The following SRGAP1 variants were observed in gnomAD, a reference collection of about 807,000 sequenced individuals.
The protein encoded by SRGAP1 is SLIT-ROBO Rho GTPase-activating protein 1.
Under a neutral mutation model 121.9 loss-of-function variants are expected in SRGAP1, and 43 were observed. That is an observed-to-expected ratio of 0.35 (90% confidence interval 0.28 to 0.46). SRGAP1 has a LOEUF of 0.46. Ranked by LOEUF, SRGAP1 falls within the 20% of genes least tolerant of loss-of-function variation. The pLI is 1.00. For synonymous variants in SRGAP1, 447 were observed against 485.4 expected (o/e 0.92, Z 1.04); for missense variants, 1,102 against 1,350.9 (o/e 0.82, Z 2.89).
At chr12:63,856,473 G>GT (rs1408006826) in intron 1 of SRGAP1, among the ~76,000 whole-genome samples, 1 of 152,030 alleles carries the variant, frequency 6.6e-6, no homozygotes. Flanking sequence ...TTCATCTGAA[G>GT]TTTTTTATTT....
At chr12:64,020,470 A>G (rs928242222) in intron 4 of SRGAP1, among the ~76,000 whole-genome samples, 2 of 152,148 alleles carry the variant, frequency 1.3e-5, no homozygotes, top group African/African-American at 4.8e-5. Context: ...GGGAAAAAAA[A>G]AGAAAAAGGC....
intron 8 of SRGAP1, among the ~76,000 whole-genome samples, chr12:64,077,305 A>G (rs553775438): frequency 7.2e-4 from 110 of 152,188 alleles, no homozygotes; most frequent in African/African-American, 2.5e-3. Flanking sequence ...TGAAGGTGAA[A>G]TAAAAGACGT....
chr12:63,883,883 C>T (rs922504938), intron 1 of SRGAP1, among the ~76,000 whole-genome samples: 7 of 150,980 alleles, frequency 4.6e-5, no homozygotes, highest in African/African-American at 1.2e-4. Context: ...TGGTCTGCAT[C>T]TCCTGACGTC....
intron 4 of SRGAP1, among the ~76,000 whole-genome samples, chr12:64,026,898 C>T (rs2034666148): frequency 6.6e-6 from 1 of 151,854 alleles, no homozygotes; most frequent in Non-Finnish European, 1.5e-5. Context: ...AAATTAATCT[C>T]CTTATTTTGG....
chr12:63,991,974 AG>A (rs913102172), intron 3 of SRGAP1, among the ~76,000 whole-genome samples: 72 of 152,194 alleles, frequency 4.7e-4, no homozygotes, highest in Admixed American at 1.3e-4. Flanking sequence ...AACTCTACCT[AG>A]GGGATGAGGA....
chr12:63,905,828 G>A (rs142443445), intron 1 of SRGAP1, among the ~76,000 whole-genome samples: 70 of 152,252 alleles, frequency 4.6e-4, no homozygotes, highest in African/African-American at 1.6e-3. Context: ...ATGGAGATGC[G>A]CCTGAGTCAT....
chr12:63,911,849 G>A (rs1235258049), intron 1 of SRGAP1, among the ~76,000 whole-genome samples: 2 of 152,154 alleles, frequency 1.3e-5, no homozygotes, highest in African/African-American at 2.4e-5. Context: ...TCTAATTTTA[G>A]GGATAACTAA....
chr12:64,154,298 C>A lies in SRGAP1; in HGVS notation c.*11626C>A, dbSNP rs1429029911. 6.6e-6 allele frequency: 1 copy of A among 152,020 alleles called. No homozygotes were observed. The highest frequency in any genetic ancestry group is 2.4e-5 in the African/African-American group (1 of 41,352). 9.4% of individuals were successfully genotyped at this position (152,020 alleles called of 1,614,324 possible). ...TTTATACTATGTAATTTTTTAACCA[C>A]AATTTTAAACATCACTGTAGATGTT... On this transcript the variant is annotated 3_prime_UTR_variant, in exon 22 of 22. Transcript: ENST00000355086.
intron 6 of SRGAP1, among the ~76,000 whole-genome samples, chr12:64,059,814 A>ATATT (rs1398265480): frequency 6.6e-6 from 1 of 152,150 alleles, no homozygotes; most frequent in Non-Finnish European, 1.5e-5. Context: ...ATCATTCTCT[A>ATATT]TATTTGAGTG....
At chr12:63,948,145 T>TA (rs373744913) in intron 1 of SRGAP1, among the ~76,000 whole-genome samples, 50 of 152,310 alleles carry the variant, frequency 3.3e-4, no homozygotes, top group African/African-American at 1.2e-3. Flanking sequence ...AAATGCATAA[T>TA]AAAATGGAGG....
chr12:64,023,828 A>G lies in SRGAP1; in HGVS notation c.489+6816A>G, dbSNP rs148794128. Among the ~76,000 whole-genome samples, 17 of 152,334 alleles carry G rather than the reference A, an allele frequency of 1.1e-4. No individual in the cohort carries two copies. The East Asian group carries it at 3.3e-3, about 29-fold the overall frequency. On this transcript the variant is annotated intron_variant, in intron 4 of 21. Coordinates refer to ENST00000355086, the MANE Select transcript of SRGAP1 (RefSeq NM_020762.4). ...GCAGCACTGTGAGGCAGGTATGCCT[A>G]ATCTCAGGCTTACATGTGGGAACTG... is the stretch of plus-strand genomic sequence containing the variant.
intron 4 of SRGAP1, among the ~76,000 whole-genome samples, chr12:64,029,723 G>T (rs1174250386): frequency 2.1e-5 from 3 of 143,972 alleles, no homozygotes; most frequent in Admixed American, 6.9e-5. Context: ...CAGGCTGGGG[G>T]CGGTGGCTCA....
At position 64,154,473 on chromosome 12, in the gene SRGAP1, G is replaced by A. The variant is rs376888989; in HGVS notation, c.*11801G>A. Reference sequence around the variant, plus strand: ...AAGGAGAGGAAGGGATGAACCGGGGGTTCGTTTCAGAGTCAAAATCAAGAT... The same window carrying A: ...AAGGAGAGGAAGGGATGAACCGGGGATTCGTTTCAGAGTCAAAATCAAGAT... On this transcript the variant is annotated 3_prime_UTR_variant, in exon 22 of 22. Coordinates refer to ENST00000355086, the MANE Select transcript of SRGAP1 (RefSeq NM_020762.4). 35 of 152,154 alleles carry A rather than the reference G, an allele frequency of 2.3e-4. 1 individual carries two copies. In the East Asian group the frequency reaches 6.4e-3, roughly 28 times the overall value. 9.4% of individuals were successfully genotyped at this position (152,154 alleles called of 1,614,324 possible).
rs568467718 is a variant in SRGAP1 at position 64,122,527 on chromosome 12, G to T, written c.2225-3450G>T. Among the ~76,000 whole-genome samples, 15 of 152,314 alleles carry T rather than the reference G, an allele frequency of 9.8e-5. No individual in the cohort carries two copies. In the South Asian group the frequency reaches 3.1e-3, roughly 32 times the overall value. On this transcript the variant is annotated intron_variant, in intron 18 of 21. Transcript: ENST00000355086. ...AGGATTGCCAATAAAATGTTCTGCT[G>T]ATTTATCTGGTCATCCTGTCATAAC...
chr12:63,891,680 A>G (rs1347288826), intron 1 of SRGAP1, among the ~76,000 whole-genome samples: 2 of 152,090 alleles, frequency 1.3e-5, no homozygotes, highest in Non-Finnish European at 2.9e-5. Flanking sequence ...ACGCAAATCT[A>G]TGTCCCCCTT....
chr12:63,940,402 TA>T (rs140140921), intron 1 of SRGAP1, among the ~76,000 whole-genome samples: 2,008 of 117,898 alleles, frequency 0.017, 19 homozygotes, highest in Middle Eastern at 0.028. Flanking sequence ...TTCCCCTACT[TA>T]AAAAAAAAAA....
intron 1 of SRGAP1, among the ~76,000 whole-genome samples, chr12:63,883,899 C>G (rs1441923896): frequency 1.0e-4 from 15 of 150,634 alleles, no homozygotes; most frequent in Non-Finnish European, 1.5e-5. Context: ...ACGTCGTGAT[C>G]CGCCCGTCTC....
intron 1 of SRGAP1, among the ~76,000 whole-genome samples, chr12:63,905,188 A>G (rs2030142585): frequency 6.6e-6 from 1 of 152,188 alleles, no homozygotes; most frequent in South Asian, 2.1e-4. Context: ...TGGCAATTTC[A>G]GTATCGTTAG....
Position 64,080,311 on chromosome 12 carries a change from G to T in SRGAP1, c.1349G>T (p.Ser450Ile), listed in dbSNP as rs559431320. ...FMKLREYLEG[S>I]NLITKLQAKH... Reference sequence around the variant, plus strand: ...AAACTCAGAGAATATTTGGAAGGCAGTAATCTCATCACAAAACTTCAAGCC... The same window carrying T: ...AAACTCAGAGAATATTTGGAAGGCATTAATCTCATCACAAAACTTCAAGCC... Residue 450 changes from serine to isoleucine, a missense_variant, in exon 10 of 22, where the codon AGT (serine) becomes ATT (isoleucine). By Grantham distance (142) the Ser-to-Ile change is moderately radical. Transcript: ENST00000355086. 1.2e-6 allele frequency: 2 copies of T among 1,613,748 alleles called. No individual in the cohort carries two copies. The highest frequency in any genetic ancestry group is 2.2e-5 in the South Asian group (2 of 91,022).
Sources: gnomAD v4.1 joint callset for allele counts (sites outside exome capture counted in the v4.1 genomes callset) on GRCh38, gnomAD v4.1.1 for gene constraint, MANE v1.5 for transcripts, NCBI Gene and HGNC (gene_info 2026-07-23, HGNC 2026-07-21) for gene names.